Variants in SSH2 observed in about 807,000 individuals in gnomAD.
SSH2 encodes the protein slingshot protein phosphatase 2.
Under a neutral mutation model 135.2 loss-of-function variants are expected in SSH2, and 37 were observed. The observed-to-expected ratio is 0.27, with a 90% CI of 0.21 to 0.36. The LOEUF is 0.36. Among genes scored for constraint, SSH2 ranks in the 10% least tolerant of loss-of-function variants. The probability of loss-of-function intolerance (pLI) is 1.00; values close to 1 mark genes in which losing one functional copy is unlikely to be tolerated. For synonymous variants in SSH2, 628 were observed against 646.2 expected (o/e 0.97, Z 0.43); for missense variants, 1,408 against 1,765.3 (o/e 0.80, Z 3.63).
chr17:29,641,642 G>C (rs2036164552), intron 14 of SSH2: 3 of 151,994 alleles, frequency 2.0e-5, no homozygotes. Context: ...CTTGTGTAGG[G>C]GCCATGCCAA....
intron 3 of SSH2, among the ~76,000 whole-genome samples, chr17:29,725,620 ACAT>A (rs1354398186): frequency 6.6e-6 from 1 of 152,222 alleles, no homozygotes; most frequent in Admixed American, 6.5e-5. Flanking sequence ...AAGCTGGAAA[ACAT>A]CATTCTCAAC....
At chr17:29,660,986 A>AAGAGGC (rs1189148607) in intron 11 of SSH2, among the ~76,000 whole-genome samples, 1 of 151,216 alleles carries the variant, frequency 6.6e-6, no homozygotes, top group African/African-American at 2.4e-5. Flanking sequence ...ACTTGAACCC[A>AAGAGGC]AGAGGCAGAG....
chr17:29,678,713 C>CTTTTTTT lies in SSH2; in HGVS notation c.480-979_480-973dup, dbSNP rs55889704. Among the ~76,000 whole-genome samples, 17 of 112,062 alleles carry CTTTTTTT rather than the reference C, an allele frequency of 1.5e-4. 1 individual carries two copies. Among genetic ancestry groups the CTTTTTTT allele is most frequent in the Admixed American group, 4.4e-4 (4 of 9,164 alleles). 73.5% of individuals were successfully genotyped at this position (112,062 alleles called of 152,430 possible). A position where few individuals can be genotyped will look rare whatever the true frequency, so the allele number is the denominator to read the frequency against. On this transcript the variant is annotated intron_variant, in intron 6 of 15. Transcript: ENST00000540801. ...AGTATGGTATTTAAAAATACTATTTCTTTTTTTTTTTTTTTTTTTGAGACA... is the reference window on the plus strand; with the variant it reads ...AGTATGGTATTTAAAAATACTATTTCTTTTTTTTTTTTTTTTTTTTTTTTTTGAGACA...
intron 6 of SSH2, among the ~76,000 whole-genome samples, chr17:29,683,161 C>T (rs1220529520): frequency 6.6e-6 from 1 of 152,164 alleles, no homozygotes; most frequent in Non-Finnish European, 1.5e-5. Flanking sequence ...CCCATAGTTC[C>T]ATTCTAATCC....
intron 3 of SSH2, among the ~76,000 whole-genome samples, chr17:29,781,636 C>T (rs563200516): frequency 2.6e-5 from 4 of 151,582 alleles, no homozygotes; most frequent in African/African-American, 7.3e-5. Context: ...CGTGCCACCA[C>T]GCCTGGCCAA....
At chr17:29,925,703 T>A in intron 1 of SSH2, 2 of 376,990 alleles carry the variant, frequency 5.3e-6, no homozygotes, top group Non-Finnish European at 9.3e-6. Context: ...TGAGACCCCA[T>A]CTAAAAAAAA....
intron 2 of SSH2, among the ~76,000 whole-genome samples, chr17:29,816,094 C>T (rs1194725815): frequency 2.0e-5 from 3 of 152,078 alleles, no homozygotes; most frequent in Non-Finnish European, 4.4e-5. Flanking sequence ...AGTGATCCAC[C>T]CACCTCAGCC....
At chr17:29,714,211 T>C (rs966565385) in intron 3 of SSH2, among the ~76,000 whole-genome samples, 8 of 152,030 alleles carry the variant, frequency 5.3e-5, no homozygotes, top group Admixed American at 3.9e-4. Context: ...AGAGACATGA[T>C]GATGACCAAC....
chr17:29,895,252 CATTTTATATATGAAATATATAAAATAT>C (rs1163109672), intron 1 of SSH2, among the ~76,000 whole-genome samples: 1 of 130,256 alleles, frequency 7.7e-6, no homozygotes, highest in Non-Finnish European at 1.6e-5. Flanking sequence ...ATTATATATA[CATTTTATATATGAAATATATAAAATAT>C]ATTTTATATA....
At chr17:29,886,765 A>C (rs1386491160) in intron 1 of SSH2, among the ~76,000 whole-genome samples, 1 of 151,196 alleles carries the variant, frequency 6.6e-6, no homozygotes, top group Non-Finnish European at 1.5e-5. Context: ...AAAAAAAAAA[A>C]GTTTGAAAAA....
chr17:29,920,544 C>G (rs931278557), intron 1 of SSH2, among the ~76,000 whole-genome samples: 1 of 152,130 alleles, frequency 6.6e-6, no homozygotes, highest in African/African-American at 2.4e-5. Flanking sequence ...GAATTTAGTA[C>G]TTCCCAAGGA....
intron 3 of SSH2, among the ~76,000 whole-genome samples, chr17:29,785,129 T>C (rs2041931592): frequency 6.6e-6 from 1 of 152,120 alleles, no homozygotes; most frequent in South Asian, 2.1e-4. Context: ...GGGGAGGGTT[T>C]CAGCTGAACA....
At chr17:29,723,463 T>C (rs1042061488) in intron 3 of SSH2, among the ~76,000 whole-genome samples, 2 of 152,158 alleles carry the variant, frequency 1.3e-5, no homozygotes. Context: ...CAGTGCTTAA[T>C]GAATGTGATC....
intron 2 of SSH2, among the ~76,000 whole-genome samples, chr17:29,806,926 A>C (rs1335199703): frequency 1.3e-5 from 2 of 152,200 alleles, no homozygotes. Context: ...TGGGTTTAGC[A>C]CCAGGCCTCT....
At chr17:29,647,618 C>T (rs1186845976) in intron 14 of SSH2, 1 of 152,380 alleles carries the variant, frequency 6.6e-6, no homozygotes, top group African/African-American at 2.4e-5. Context: ...TTTGGTACTG[C>T]TCCTTATGGG....
intron 3 of SSH2, among the ~76,000 whole-genome samples, chr17:29,706,527 C>G (rs946473120): frequency 6.6e-6 from 1 of 152,222 alleles, no homozygotes; most frequent in Non-Finnish European, 1.5e-5. Flanking sequence ...GTGGGTCACT[C>G]TGTTCCACTC....
At chr17:29,925,332 G>T in intron 1 of SSH2, 1 of 389,386 alleles carries the variant, frequency 2.6e-6, no homozygotes, top group East Asian at 3.7e-5. Flanking sequence ...GATGGTCAAA[G>T]GGTACAAAGT....
intron 15 of SSH2, among the ~76,000 whole-genome samples, chr17:29,634,406 G>A (rs2035807788): frequency 6.6e-6 from 1 of 152,180 alleles, no homozygotes; most frequent in South Asian, 2.1e-4. Context: ...GATGTCAGAA[G>A]TGTCAAAATA....
chr17:29,759,084 C>G (rs1389501341), intron 3 of SSH2, among the ~76,000 whole-genome samples: 2 of 152,072 alleles, frequency 1.3e-5, no homozygotes, highest in Non-Finnish European at 2.9e-5. Context: ...GGGTCTTGCT[C>G]TGTCACCCAG....
Sources: allele counts gnomAD v4.1 joint callset (sites outside exome capture counted in the v4.1 genomes callset), GRCh38; gene constraint gnomAD v4.1.1; transcripts MANE v1.5; gene names NCBI Gene and HGNC (gene_info 2026-07-23, HGNC 2026-07-21).